The following GREB1 variants were observed in gnomAD, a reference collection of about 807,000 sequenced individuals.
GREB1 encodes the protein growth regulating estrogen receptor binding 1.
A neutral mutation model predicts 200.7 loss-of-function variants in GREB1; 106 were observed. The observed-to-expected ratio is 0.53, with a 90% CI of 0.45 to 0.62. The LOEUF is 0.62. Ranked by LOEUF, GREB1 falls within the 20% of genes least tolerant of loss-of-function variation. The pLI is 0.00. For synonymous variants in GREB1, 1,132 were observed against 1,092.4 expected, an observed-to-expected ratio of 1.04 and a Z score of -0.72; for missense variants, 2,243 against 2,556.8, an observed-to-expected ratio of 0.88 and a Z score of 2.65.
intron 1 of GREB1, among the ~76,000 whole-genome samples, chr2:11,535,935 A>G (rs1383299611): frequency 2.6e-5 from 4 of 151,960 alleles, no homozygotes; most frequent in African/African-American, 9.7e-5. Context: ...TCCCTGTAAA[A>G]TGCAAACACT....
chr2:11,565,448 G>T (rs1284347506), intron 3 of GREB1, among the ~76,000 whole-genome samples: 1 of 152,194 alleles, frequency 6.6e-6, no homozygotes, highest in African/African-American at 2.4e-5. Context: ...GTAGAGCTCT[G>T]CTGGGAAGGC....
chr2:11,549,507 A>G (rs1243776549), intron 1 of GREB1, among the ~76,000 whole-genome samples: 1 of 152,246 alleles, frequency 6.6e-6, no homozygotes, highest in East Asian at 1.9e-4. Context: ...ATATGGTAGG[A>G]AAATGACATT....
At chr2:11,576,043 T>C (rs1678819835) in intron 4 of GREB1, among the ~76,000 whole-genome samples, 1 of 152,236 alleles carries the variant, frequency 6.6e-6, no homozygotes, top group African/African-American at 2.4e-5. Context: ...TGGCGTTCTC[T>C]GGCTGGTGGT....
chr2:11,623,221 C>T (rs969450425), intron 23 of GREB1, among the ~76,000 whole-genome samples: 2 of 152,162 alleles, frequency 1.3e-5, no homozygotes, highest in African/African-American at 2.4e-5. Context: ...GTGTTTGTAG[C>T]GATTCGGGTG....
intron 1 of GREB1, among the ~76,000 whole-genome samples, chr2:11,534,712 A>G (rs1674212639): frequency 6.6e-6 from 1 of 152,042 alleles, no homozygotes; most frequent in African/African-American, 2.4e-5. Flanking sequence ...TGAGGATGGT[A>G]ATTAGAGGGG....
intron 1 of GREB1, among the ~76,000 whole-genome samples, chr2:11,494,083 C>T (rs1185874086): frequency 1.3e-5 from 2 of 152,312 alleles, no homozygotes; most frequent in East Asian, 3.9e-4. Flanking sequence ...GATGAGGAAA[C>T]GGAGGTGCAG....
rs576931937 is a variant in GREB1, at chr2:11,623,127, C to T, written c.4148-2027C>T. Among the ~76,000 whole-genome samples, 15 of 152,294 alleles carry T rather than the reference C, an allele frequency of 9.8e-5. No individual in the cohort carries two copies. In the South Asian group the frequency reaches 3.1e-3, roughly 32 times the overall value. On this transcript the variant is annotated intron_variant, in intron 23 of 32. Transcript: ENST00000381486. ...CGGACTGCATCTGTGACGTTGGTCC[C>T]ATGAGATTCTAGGGGAACTGAAAAA...
In GREB1 at chr2:11,591,726, G is replaced by C; in HGVS notation, c.1346-1050G>C. The C allele has an allele frequency of 3.3e-5, 13 of 391,126 alleles. No individual in the cohort carries two copies. The South Asian group carries it at 3.6e-4, about 11-fold the overall frequency. 24.2% of individuals were successfully genotyped at this position (391,126 alleles called of 1,614,324 possible). A position where few individuals can be genotyped will look rare whatever the true frequency, so the allele number is the denominator to read the frequency against. On this transcript the variant is annotated intron_variant, in intron 10 of 32. Coordinates refer to ENST00000381486, the MANE Select transcript of GREB1 (RefSeq NM_014668.4). ...AAGGAAGTAACGTTCTATATGTCAA[G>C]ATGTGCATTGCAGAGGGATTTATAA... is the stretch of plus-strand genomic sequence containing the variant.
chr2:11,578,835 G>T (rs1049198224), intron 6 of GREB1, among the ~76,000 whole-genome samples: 9 of 152,234 alleles, frequency 5.9e-5, no homozygotes, highest in Non-Finnish European at 1.2e-4. Context: ...CTCCATGAAT[G>T]CCTTGAAGTC....
chr2:11,591,298 G>GA (rs1276218279), intron 10 of GREB1: 1 of 701,038 alleles, frequency 1.4e-6, no homozygotes, highest in Admixed American at 2.1e-5. Context: ...TATGCATCAG[G>GA]AAACCATGGG....
At chr2:11,517,517 A>AG (rs1439655970) in intron 1 of GREB1, 1 of 147,528 alleles carries the variant, frequency 6.8e-6, no homozygotes, top group Non-Finnish European at 1.5e-5. Context: ...AAAAAAAAAG[A>AG]GGAAGGGGCT....
At position 11,633,051 on chromosome 2, in the gene GREB1, G is replaced by A; in HGVS notation, c.4979G>A (p.Gly1660Glu). 6.2e-7 allele frequency: 1 copy of A among 1,614,100 alleles called. No homozygotes were observed. Among genetic ancestry groups the A allele is most frequent in the South Asian group, 1.1e-5 (1 of 91,072 alleles). Reference protein sequence around the residue: ...MWNVVDVNSAGERSREFSWSE... With the variant: ...MWNVVDVNSAEERSREFSWSE... The stretch of plus-strand genomic sequence containing the variant: ...AACGTGGTGGATGTCAACTCTGCTG[G>A]GGAGAGAAGCAGGTGAGGTAACCTG... Residue 1660 changes from glycine to glutamate, a missense_variant, in exon 28 of 33, where the codon GGG becomes GAG. Gly to Glu is a moderately conservative substitution (Grantham distance 98). Around this residue, in one of 3 missense-constraint regions of GREB1, gnomAD observed 478 missense variants for 616.3 expected, o/e 0.78. Transcript: ENST00000381486. The surrounding 1 kb of genome is among the most constrained non-coding windows in gnomAD (Gnocchi z 4.1).
intron 1 of GREB1, among the ~76,000 whole-genome samples, chr2:11,489,633 GAGA>G (rs1287016943): frequency 1.3e-5 from 2 of 152,174 alleles, no homozygotes; most frequent in African/African-American, 4.8e-5. Flanking sequence ...GGCAAGAAAA[GAGA>G]AGAATAAAAT....
intron 1 of GREB1, among the ~76,000 whole-genome samples, chr2:11,522,482 A>G (rs778634420): frequency 2.8e-4 from 43 of 152,110 alleles, no homozygotes; most frequent in Admixed American, 7.9e-4. Context: ...TCGCCTGAAT[A>G]CTGGTTTTTG....
intron 27 of GREB1, 76 bp from the exon 28 acceptor site, chr2:11,632,813 C>T (rs1029978918): frequency 9.1e-5 from 122 of 1,338,754 alleles, no homozygotes; most frequent in Admixed American, 1.4e-4. Flanking sequence ...GCCCCGACAG[C>T]AGGTCTGCCT....
chr2:11,581,206 G>A (rs766261104), intron 7 of GREB1: 4 of 566,370 alleles, frequency 7.1e-6, no homozygotes, highest in Admixed American at 3.3e-5. Flanking sequence ...AAAACCTACC[G>A]CTGTCTCTTG....
At chr2:11,502,262 C>G (rs1200143596) in intron 1 of GREB1, among the ~76,000 whole-genome samples, 1 of 149,332 alleles carries the variant, frequency 6.7e-6, no homozygotes, top group African/African-American at 2.5e-5. Flanking sequence ...AGTCTGTTGC[C>G]TAGGCTGGAG....
chr2:11,497,045 C>T (rs766786485), intron 1 of GREB1, among the ~76,000 whole-genome samples: 11 of 152,178 alleles, frequency 7.2e-5, no homozygotes, highest in Non-Finnish European at 1.5e-5. Flanking sequence ...GATCCTCCTG[C>T]CTTCGCCTCC....
intron 4 of GREB1, among the ~76,000 whole-genome samples, chr2:11,570,844 A>G (rs1036982636): frequency 2.6e-5 from 4 of 152,130 alleles, no homozygotes; most frequent in Non-Finnish European, 5.9e-5. Flanking sequence ...TGAGAATTAT[A>G]TGTTTCAAAC....
Sources: allele counts gnomAD v4.1 joint callset (sites outside exome capture counted in the v4.1 genomes callset), GRCh38; gene constraint gnomAD v4.1.1; regional missense constraint gnomAD v4.1.1; non-coding constraint Gnocchi (gnomAD v3.1); transcripts MANE v1.5; gene names NCBI Gene and HGNC (gene_info 2026-07-23, HGNC 2026-07-21).